SPTBN4: variants seen among roughly 807,000 people sequenced by gnomAD.
SPTBN4 encodes the protein spectrin beta, non-erythrocytic 4.
SPTBN4 carries 96 observed loss-of-function variants against 277.8 expected under a neutral mutation model. The observed-to-expected ratio is 0.35, with a 90% CI of 0.29 to 0.41. SPTBN4 has a LOEUF of 0.41. SPTBN4 is among the 10% of genes least tolerant of loss of function. The pLI, the probability that SPTBN4 is intolerant of heterozygous loss-of-function variation, is 1.00. For missense variants in SPTBN4, 3,006 were observed against 3,595.7 expected, an observed-to-expected ratio of 0.84 and a Z score of 4.19; for synonymous variants, 1,481 against 1,580.3, an observed-to-expected ratio of 0.94 and a Z score of 1.49.
chr19:40,559,578 G>A (rs1321473433), intron 26 of SPTBN4, among the ~76,000 whole-genome samples: 1 of 152,160 alleles, frequency 6.6e-6, no homozygotes, highest in African/African-American at 2.4e-5. Flanking sequence ...AGCCCGGGAT[G>A]TCAAGGCTGC....
rs1288057687 is a variant in SPTBN4 at position 40,513,425 on chromosome 19, A to G, written c.2636A>G (p.Asp879Gly). 6.2e-7 allele frequency: 1 copy of G among 1,603,504 alleles called. No individual in the cohort carries two copies. The highest frequency in any genetic ancestry group is 1.1e-5 in the South Asian group (1 of 90,122). ...VAALRRQWLR[D>G]ALAVYRMFGE... The stretch of plus-strand genomic sequence containing the variant: ...GCGCTGAGGCGCCAGTGGCTGCGGG[A>G]CGCGCTCGCTGTCTACCGCATGTTT... Residue 879 changes from aspartate (D) to glycine (G), a missense_variant, in exon 14 of 36, where the codon GAC becomes GGC. Asp to Gly is a moderately conservative substitution (Grantham distance 94). Transcript: ENST00000598249.
intron 4 of SPTBN4, among the ~76,000 whole-genome samples, chr19:40,492,512 A>G (rs2080150252): frequency 1.3e-5 from 2 of 152,052 alleles, no homozygotes; most frequent in African/African-American, 2.4e-5. Flanking sequence ...CTGATGGGAG[A>G]TCATGGGAAC....
At position 40,576,007 on chromosome 19, in the gene SPTBN4, G is replaced by T. The variant is rs555026091; in HGVS notation, c.*438G>T. ...CCCTGGACCATCCAGGGTGCTAGGG[G>T]GCAGGGAGGGGACACCCCCTCCCCG... On this transcript the variant is annotated 3_prime_UTR_variant, in exon 36 of 36. Coordinates refer to ENST00000598249, the MANE Select transcript of SPTBN4 (RefSeq NM_020971.3). The T allele has an allele frequency of 1.4e-3, 211 of 153,848 alleles. 1 individual carries two copies. Among genetic ancestry groups the T allele is most frequent in the Non-Finnish European group, 2.4e-3 (165 of 68,848 alleles). The allele number at this position is 153,848 out of a possible 1,614,324, so 9.5% of individuals were successfully genotyped here.
chr19:40,467,623 C>CGGG lies in SPTBN4; in HGVS notation c.-16+329_-16+331dup, dbSNP rs562140429. Among the ~76,000 whole-genome samples the CGGG allele has an allele frequency of 3.8e-5, 4 of 104,894 alleles. No homozygotes were observed. In the Admixed American group the frequency reaches 4.1e-4, roughly 11 times the overall value. 68.8% of individuals were successfully genotyped at this position (104,894 alleles called of 152,430 possible). ...CAGCCCAGCGCCCCACCAGCCTTTG[C>CGGG]GGGGGGGGGGGGGTGTTGGGGGGAG... On this transcript the variant is annotated intron_variant, in intron 1 of 35. Transcript: ENST00000598249.
chr19:40,475,526 T>C (rs1033166868), intron 2 of SPTBN4, among the ~76,000 whole-genome samples: 1 of 151,950 alleles, frequency 6.6e-6, no homozygotes, highest in Non-Finnish European at 1.5e-5. Flanking sequence ...AGTGGCGCAA[T>C]GTCAGCTCAC....
intron 17 of SPTBN4, among the ~76,000 whole-genome samples, chr19:40,525,459 C>T (rs2080579453): frequency 6.6e-6 from 1 of 151,764 alleles, no homozygotes; most frequent in South Asian, 2.1e-4. Flanking sequence ...AGTAGCTGGA[C>T]TATAGGTGTG....
chr19:40,557,142 C>T lies in SPTBN4; in HGVS notation c.5409C>T (p.Ala1803=), dbSNP rs2145935867. The T allele has an allele frequency of 1.9e-6, 3 of 1,611,426 alleles. No homozygotes were observed. In the East Asian group the frequency reaches 6.7e-5, roughly 36 times the overall value. The change falls in exon 26 of 36, where the codon GCC becomes GCT. Residue 1803 remains alanine, a synonymous_variant. Transcript: ENST00000598249. ...ELIECGHTAA[A]TMAEWKDGLN... is the part of the protein sequence containing the mutation. ...TCGAGTGTGGCCATACAGCAGCGGC[C>T]ACCATGGCCGAGTGGAAGGACGGAC...
chr19:40,493,459 T>C (rs1369708514), intron 5 of SPTBN4, among the ~76,000 whole-genome samples: 1 of 152,192 alleles, frequency 6.6e-6, no homozygotes, highest in Admixed American at 6.5e-5. Flanking sequence ...CCTGTCACTT[T>C]GGGAGAATGA....
At position 40,544,304 on chromosome 19, in the gene SPTBN4, G is replaced by A. The variant is rs560009230; in HGVS notation, c.4360-4885G>A. The stretch of plus-strand genomic sequence containing the variant: ...ATAACAGGCGCCTGCCACAATGCCC[G>A]GCTAATTTTTTGTATTTTTAGTAGA... On this transcript the variant is annotated intron_variant, in intron 20 of 35. Coordinates refer to ENST00000598249, the MANE Select transcript of SPTBN4 (RefSeq NM_020971.3). Among the ~76,000 whole-genome samples, 104 of 151,418 alleles carry A rather than the reference G, an allele frequency of 6.9e-4. 1 individual carries two copies. Among genetic ancestry groups the A allele is most frequent in the African/African-American group, 2.3e-3 (94 of 41,246 alleles).
intron 13 of SPTBN4, among the ~76,000 whole-genome samples, chr19:40,507,233 T>A (rs1319090792): frequency 6.6e-6 from 1 of 152,032 alleles, no homozygotes; most frequent in Non-Finnish European, 1.5e-5. Flanking sequence ...GAGAATCACC[T>A]GAGCCTGGGA....
Position 40,490,012 on chromosome 19 carries a change from G to T in SPTBN4, c.322-63G>T, listed in dbSNP as rs1321096670. 2.7e-6 allele frequency: 4 copies of T among 1,473,982 alleles called. No homozygotes were observed. Among genetic ancestry groups the T allele is most frequent in the Non-Finnish European group, 3.6e-6 (4 of 1,109,286 alleles). The allele number at this position is 1,473,982 out of a possible 1,614,324, so 91.3% of individuals were successfully genotyped here. The stretch of plus-strand genomic sequence containing the variant: ...GGCGGGCTTCTTTGGAAGCTGCGGG[G>T]CCGAGGGCGCCATACTCCTGTCTGT... On this transcript the variant is annotated intron_variant, in intron 3 of 35. Coordinates refer to ENST00000598249, the MANE Select transcript of SPTBN4 (RefSeq NM_020971.3). This position sits in a 1 kb window ranked among gnomAD's most constrained non-coding sequence, Gnocchi z 4.3.
chr19:40,569,936 C>CACACACACACA (rs2081133937), intron 32 of SPTBN4, among the ~76,000 whole-genome samples: 12 of 131,470 alleles, frequency 9.1e-5, no homozygotes, highest in African/African-American at 3.6e-4. Flanking sequence ...TACTGCCCCT[C>CACACACACACA]CACACACACA....
At chr19:40,565,886 G>A (rs752640506) in intron 29 of SPTBN4, 141 bp downstream of exon 29, 60 of 985,254 alleles carry the variant, frequency 6.1e-5, no homozygotes, top group Non-Finnish European at 7.7e-5. Context: ...GCCTGGAAGG[G>A]TGGACAAGGG....
intron 27 of SPTBN4, among the ~76,000 whole-genome samples, chr19:40,563,250 G>A (rs888469434): frequency 6.6e-6 from 1 of 151,418 alleles, no homozygotes; most frequent in Non-Finnish European, 1.5e-5. Flanking sequence ...TGGGCATTGT[G>A]GTGCATGCCT....
intron 13 of SPTBN4, among the ~76,000 whole-genome samples, chr19:40,507,957 A>G (rs2080348635): frequency 6.6e-6 from 1 of 152,242 alleles, no homozygotes; most frequent in Non-Finnish European, 1.5e-5. Flanking sequence ...AGCCCCAGGT[A>G]TACAGCCTAA....
rs1020061474 is a variant in SPTBN4 at position 40,560,092 on chromosome 19, A to T, written c.5671-67A>T. Reference sequence around the variant, plus strand: ...ATCTTGAGGTTCTGCGCTGGAGCAGATGGTGGGAGGGAGGGCACAGCCTGG... The same window carrying T: ...ATCTTGAGGTTCTGCGCTGGAGCAGTTGGTGGGAGGGAGGGCACAGCCTGG... On this transcript the variant is annotated intron_variant, in intron 26 of 35. Transcript: ENST00000598249. The surrounding 1 kb of genome is among the most constrained non-coding windows in gnomAD (Gnocchi z 5.2). 6.7e-7 allele frequency: 1 copy of T among 1,500,084 alleles called. No homozygotes were observed. Among genetic ancestry groups the T allele is most frequent in the African/African-American group, 1.4e-5 (1 of 72,874 alleles). The allele number at this position is 1,500,084 out of a possible 1,614,324, so 92.9% of individuals were successfully genotyped here. A position where few individuals can be genotyped will look rare whatever the true frequency, so the allele number is the denominator to read the frequency against.
At chr19:40,503,777 T>TAAC in intron 11 of SPTBN4, 53 bp from the exon 12 acceptor site, 1 of 1,526,784 alleles carries the variant, frequency 6.5e-7, no homozygotes, top group Non-Finnish European at 8.8e-7. Flanking sequence ...AGGGTCAAGG[T>TAAC]AACAGGTGGA....
chr19:40,546,619 T>C (rs941491824), intron 20 of SPTBN4, among the ~76,000 whole-genome samples: 6 of 152,132 alleles, frequency 3.9e-5, no homozygotes, highest in East Asian at 1.9e-4. Context: ...AACGTGAGAA[T>C]AGTTTGAGTC....
At chr19:40,551,818 A>T (rs1264980056) in intron 22 of SPTBN4, among the ~76,000 whole-genome samples, 1 of 151,480 alleles carries the variant, frequency 6.6e-6, no homozygotes. Context: ...ACATGGGGAA[A>T]CCCCGTCTCT....
Sources: allele counts gnomAD v4.1 joint callset (sites outside exome capture counted in the v4.1 genomes callset), GRCh38; gene constraint gnomAD v4.1.1; non-coding constraint Gnocchi (gnomAD v3.1); transcripts MANE v1.5; gene names NCBI Gene and HGNC (gene_info 2026-07-23, HGNC 2026-07-21).